The following TAFA2 variants were observed in gnomAD, a reference collection of about 807,000 sequenced individuals.
TAFA2 encodes TAFA chemokine like family member 2.
Under a neutral mutation model 18.8 loss-of-function variants are expected in TAFA2, and 7 were observed. That is an observed-to-expected ratio of 0.37 (90% CI 0.21 to 0.70). The LOEUF (loss-of-function observed/expected upper bound fraction) is 0.70. Among genes scored for constraint, TAFA2 ranks in the 30% least tolerant of loss-of-function variants. The pLI, the probability that TAFA2 is intolerant of heterozygous loss-of-function variation, is 0.53. For missense variants in TAFA2, 122 were observed against 158.1 expected (o/e 0.77, Z 1.23); for synonymous variants, 60 against 54.2 (o/e 1.11, Z -0.47).
chr12:62,246,357 G>A (rs1447596733), intron 1 of TAFA2, among the ~76,000 whole-genome samples: 1 of 152,042 alleles, frequency 6.6e-6, no homozygotes, highest in East Asian at 1.9e-4. Flanking sequence ...TGAACCATTT[G>A]GTTTAGTTTT....
chr12:61,789,984 T>A (rs1870904955), intron 2 of TAFA2, among the ~76,000 whole-genome samples: 1 of 151,788 alleles, frequency 6.6e-6, no homozygotes, highest in Non-Finnish European at 1.5e-5. Context: ...ACTAGCAAAC[T>A]GAATTCAATA....
At chr12:62,052,676 G>T (rs74545235) in intron 1 of TAFA2, among the ~76,000 whole-genome samples, 10,393 of 152,196 alleles carry the variant, frequency 0.068, 459 homozygotes, top group Non-Finnish European at 0.11. Context: ...CCATTAGAAT[G>T]ATGAAAGCTG....
chr12:61,891,927 C>T (rs746110241), intron 1 of TAFA2, among the ~76,000 whole-genome samples: 7 of 151,682 alleles, frequency 4.6e-5, no homozygotes, highest in Non-Finnish European at 1.0e-4. Flanking sequence ...TTGAAACAAC[C>T]AGGCAATTGA....
At position 62,113,097 on chromosome 12, in the gene TAFA2, G is replaced by GT. The variant is rs1260314601; in HGVS notation, c.-2+78161dup. Among the ~76,000 whole-genome samples the GT allele has an allele frequency of 1.6e-4, 25 of 152,104 alleles. 1 individual carries two copies. Among genetic ancestry groups the GT allele is most frequent in the Admixed American group, 1.6e-3 (25 of 15,282 alleles). On this transcript the variant is annotated intron_variant, in intron 1 of 4. Coordinates refer to ENST00000416284, the MANE Select transcript of TAFA2 (RefSeq NM_178539.5). ...TGGAATTTTCAGGCTTTTTGGGCTGGTTTTTCCTCATCTTGGTGAATTTAT... is the reference window on the plus strand; with the variant it reads ...TGGAATTTTCAGGCTTTTTGGGCTGGTTTTTTCCTCATCTTGGTGAATTTAT...
At chr12:62,082,918 T>G (rs190968717) in intron 1 of TAFA2, among the ~76,000 whole-genome samples, 1 of 152,296 alleles carries the variant, frequency 6.6e-6, no homozygotes, top group Admixed American at 6.5e-5. Flanking sequence ...CTACAGTGAT[T>G]TTTTTTCCAT....
chr12:62,169,001 T>G (rs1374897751), intron 1 of TAFA2, among the ~76,000 whole-genome samples: 1 of 151,950 alleles, frequency 6.6e-6, no homozygotes, highest in Non-Finnish European at 1.5e-5. Context: ...TATGTATATA[T>G]TTAAAAATTG....
chr12:62,012,667 A>T (rs1880810625), intron 1 of TAFA2, among the ~76,000 whole-genome samples: 1 of 152,174 alleles, frequency 6.6e-6, no homozygotes, highest in Non-Finnish European at 1.5e-5. Flanking sequence ...AAAATATTTG[A>T]AAATGTAATG....
chr12:61,813,380 A>G (rs942353201), intron 2 of TAFA2, among the ~76,000 whole-genome samples: 5 of 151,296 alleles, frequency 3.3e-5, no homozygotes, highest in Non-Finnish European at 7.4e-5. Context: ...TCTATATAGT[A>G]AGAATATTAA....
intron 2 of TAFA2, among the ~76,000 whole-genome samples, chr12:61,846,335 T>C (rs1873405362): frequency 6.6e-6 from 1 of 152,158 alleles, no homozygotes; most frequent in Non-Finnish European, 1.5e-5. Flanking sequence ...GATGTTGGGC[T>C]CTTTCTTTTC....
chr12:61,776,845 A>G lies in TAFA2; in HGVS notation c.107-21821T>C, dbSNP rs572177402. Among the ~76,000 whole-genome samples the G allele has an allele frequency of 2.0e-5, 3 of 152,026 alleles. No individual in the cohort carries two copies. The East Asian group carries it at 5.8e-4, about 30-fold the overall frequency. ...GAAATTTCTCTAATATAATTTTTCT[A>G]AAGAATAAGTAATATCTCTTAAATA... On this transcript the variant is annotated intron_variant, in intron 2 of 4. Coordinates refer to ENST00000416284, the MANE Select transcript of TAFA2 (RefSeq NM_178539.5).
chr12:61,927,004 G>A (rs1877325505), intron 1 of TAFA2, among the ~76,000 whole-genome samples: 1 of 151,034 alleles, frequency 6.6e-6, no homozygotes. Context: ...GAACCCAGGG[G>A]GCGGAGGTTG....
chr12:61,841,816 C>T (rs986827421), intron 2 of TAFA2, among the ~76,000 whole-genome samples: 1 of 152,008 alleles, frequency 6.6e-6, no homozygotes, highest in African/African-American at 2.4e-5. Context: ...TTGATTTTTA[C>T]ATAGTGTATC....
intron 1 of TAFA2, among the ~76,000 whole-genome samples, chr12:61,932,193 A>T (rs547837650): frequency 6.6e-6 from 1 of 152,354 alleles, no homozygotes; most frequent in East Asian, 1.9e-4. Context: ...TTTGAAGAAT[A>T]GTCTCCAAAA....
At chr12:61,863,771 C>T (rs1039182430) in intron 2 of TAFA2, among the ~76,000 whole-genome samples, 2 of 152,128 alleles carry the variant, frequency 1.3e-5, no homozygotes, top group African/African-American at 4.8e-5. Context: ...GATCACAGTT[C>T]ACAGGTGCCC....
chr12:61,867,202 C>A, intron 2 of TAFA2, 118 bp downstream of exon 2: 1 of 655,318 alleles, frequency 1.5e-6, no homozygotes, highest in Non-Finnish European at 2.7e-6. Context: ...AGAAAACTGC[C>A]AGGGGGAGAA....
intron 1 of TAFA2, among the ~76,000 whole-genome samples, chr12:62,073,440 A>G (rs963692837): frequency 2.6e-5 from 4 of 151,016 alleles, no homozygotes; most frequent in Non-Finnish European, 5.9e-5. Flanking sequence ...TTATCTATAT[A>G]TTATAGATAA....
intron 1 of TAFA2, among the ~76,000 whole-genome samples, chr12:62,067,355 G>A (rs575595189): frequency 4.4e-4 from 67 of 152,016 alleles, no homozygotes; most frequent in Middle Eastern, 3.4e-3. Flanking sequence ...TTGGTTGCCT[G>A]TGCCTGTGGG....
In TAFA2 at chr12:62,184,499, A is replaced by ATTTTTTTTT. The variant is rs770289214; in HGVS notation, c.-2+6759_-2+6760insAAAAAAAAA. On this transcript the variant is annotated intron_variant, in intron 1 of 4. Coordinates refer to ENST00000416284, the MANE Select transcript of TAFA2 (RefSeq NM_178539.5). ...GGTCTGAACACACGGGAAAAAAAAA[A>ATTTTTTTTT]TTCTTTTTTTTTTGAGGCATAGTCT... is the stretch of plus-strand genomic sequence containing the variant. Among the ~76,000 whole-genome samples the ATTTTTTTTT allele has an allele frequency of 8.8e-4, 30 of 34,032 alleles. 2 individuals carry two copies. Among genetic ancestry groups the ATTTTTTTTT allele is most frequent in the Non-Finnish European group, 1.1e-3 (19 of 17,008 alleles). The allele number at this position is 34,032 out of a possible 152,430, so 22.3% of individuals were successfully genotyped here.
intron 1 of TAFA2, among the ~76,000 whole-genome samples, chr12:61,957,192 A>G (rs1878725514): frequency 6.6e-6 from 1 of 152,200 alleles, no homozygotes. Context: ...CTTTGGTGTC[A>G]CAGACACAGT....
Sources: allele counts gnomAD v4.1 joint callset (sites outside exome capture counted in the v4.1 genomes callset), GRCh38; gene constraint gnomAD v4.1.1; transcripts MANE v1.5; gene names NCBI Gene and HGNC (gene_info 2026-07-23, HGNC 2026-07-21).